LMO7: variants seen among roughly 807,000 people sequenced by gnomAD.
LMO7 encodes the protein LIM domain 7.
In LMO7, 120 loss-of-function variants were observed where a neutral mutation model predicts 206.5. The ratio of observed to expected loss-of-function variants is 0.58; its 90% CI spans 0.50 to 0.68. The LOEUF (loss-of-function observed/expected upper bound fraction) is 0.68, where lower values mean the gene tolerates loss of function less well. Among genes scored for constraint, LMO7 ranks in the 30% least tolerant of loss-of-function variants. The pLI, the probability that LMO7 is intolerant of heterozygous loss-of-function variation, is 0.00. For synonymous variants in LMO7, 706 were observed against 681.5 expected (o/e 1.04, Z -0.56); for missense variants, 1,959 against 1,957.9 (o/e 1.00, Z -0.01).
At chr13:75,825,537 A>G (rs1024336253) in intron 15 of LMO7, among the ~76,000 whole-genome samples, 2 of 152,318 alleles carry the variant, frequency 1.3e-5, no homozygotes, top group African/African-American at 4.8e-5. Flanking sequence ...TAATGGATTT[A>G]TACTTCTTTG....
intron 4 of LMO7, among the ~76,000 whole-genome samples, chr13:75,780,983 G>T (rs961365115): frequency 1.3e-5 from 2 of 150,226 alleles, no homozygotes; most frequent in African/African-American, 2.4e-5. Context: ...TTGCACAGAA[G>T]AAATTTCTCA....
intron 1 of LMO7, among the ~76,000 whole-genome samples, chr13:75,685,548 G>T (rs1283352020): frequency 2.6e-5 from 4 of 152,174 alleles, no homozygotes; most frequent in African/African-American, 9.7e-5. Context: ...TGAGCCTGTG[G>T]AATATTTGCT....
intron 1 of LMO7, among the ~76,000 whole-genome samples, chr13:75,683,054 CTT>C (rs1224724027): frequency 6.8e-6 from 1 of 147,064 alleles, no homozygotes; most frequent in Non-Finnish European, 1.5e-5. Context: ...AGTGGTTTGA[CTT>C]TTTTTTTCTT....
At position 75,658,819 on chromosome 13, in the gene LMO7, G is replaced by A. The variant is rs535288228; in HGVS notation, c.69+22093G>A. The stretch of plus-strand genomic sequence containing the variant: ...TTAGCCAGGATGGTTTTAATCTCCT[G>A]ACCTCATGATCCTCCTGCCTCAGCC... On this transcript the variant is annotated intron_variant, in intron 1 of 30. Coordinates refer to ENST00000377534, the MANE Select transcript of LMO7 (RefSeq NM_001306080.2). Among the ~76,000 whole-genome samples the A allele has an allele frequency of 3.9e-4, 59 of 151,202 alleles. 1 individual carries two copies. Among genetic ancestry groups the A allele is most frequent in the Admixed American group, 3.4e-3 (52 of 15,174 alleles).
rs2061118493 is a variant in LMO7 at position 75,858,279 on chromosome 13, G to T, written c.*336G>T. 2 of 252,628 alleles carry T rather than the reference G, an allele frequency of 7.9e-6. No homozygotes were observed. Among genetic ancestry groups the T allele is most frequent in the African/African-American group, 4.5e-5 (2 of 44,810 alleles). The allele number at this position is 252,628 out of a possible 1,614,324, so 15.6% of individuals were successfully genotyped here. ...TTTCTAGTTAGTGGTGTTTTGAAGA[G>T]GGTATTTTATTGTTTTTTAAAAAAA... On this transcript the variant is annotated 3_prime_UTR_variant, in exon 31 of 31. Coordinates refer to ENST00000377534, the MANE Select transcript of LMO7 (RefSeq NM_001306080.2).
At chr13:75,645,210 T>G (rs967184372) in intron 1 of LMO7, among the ~76,000 whole-genome samples, 11 of 152,206 alleles carry the variant, frequency 7.2e-5, no homozygotes, top group African/African-American at 2.7e-4. Flanking sequence ...AAAATACATG[T>G]CATGTTTTTG....
chr13:75,833,192 ATT>A (rs2058824190), intron 16 of LMO7, 27 bp downstream of exon 16: 1 of 1,255,804 alleles, frequency 8.0e-7, no homozygotes, highest in South Asian at 1.2e-5. Context: ...GCTCTACTGA[ATT>A]TTCTTCTCCT....
Position 75,681,718 on chromosome 13 carries a change from GTA to G in LMO7, c.70-31434_70-31433del, listed in dbSNP as rs71127572. On this transcript the variant is annotated intron_variant, in intron 1 of 30. Coordinates refer to ENST00000377534, the MANE Select transcript of LMO7 (RefSeq NM_001306080.2). ...TATGTATGTATGTGTATATATATAT[GTA>G]TATATATATATATATATATATATAT... is the stretch of plus-strand genomic sequence containing the variant. 9.3e-3 allele frequency among the ~76,000 whole-genome samples: 969 copies of G among 104,508 alleles called. 30 individuals are homozygous for G. The highest frequency in any genetic ancestry group is 0.026 in the African/African-American group (765 of 29,712). The allele number at this position is 104,508 out of a possible 152,430, so 68.6% of individuals were successfully genotyped here. A position where few individuals can be genotyped will look rare whatever the true frequency, so the allele number is the denominator to read the frequency against.
chr13:75,734,281 G>A (rs540084551), intron 3 of LMO7, among the ~76,000 whole-genome samples: 19 of 152,276 alleles, frequency 1.2e-4, no homozygotes, highest in South Asian at 6.2e-4. Flanking sequence ...AATGCGGGGC[G>A]TTGTCTGTGG....
At chr13:75,677,132 C>T (rs1238509062) in intron 1 of LMO7, among the ~76,000 whole-genome samples, 1 of 152,226 alleles carries the variant, frequency 6.6e-6, no homozygotes, top group Middle Eastern at 3.4e-3. Flanking sequence ...GCTGTGTATA[C>T]ATTAGCATTA....
At chr13:75,722,043 T>C (rs2044065816) in intron 2 of LMO7, among the ~76,000 whole-genome samples, 1 of 152,174 alleles carries the variant, frequency 6.6e-6, no homozygotes. Context: ...TCTCACCTTA[T>C]ACAAAAGTCA....
intron 1 of LMO7, among the ~76,000 whole-genome samples, chr13:75,653,790 A>G (rs948862449): frequency 2.0e-5 from 3 of 152,230 alleles, no homozygotes; most frequent in Admixed American, 6.5e-5. Flanking sequence ...GTGAACTTAC[A>G]CTTGCAATTC....
chr13:75,805,547 C>T lies in LMO7; in HGVS notation c.983C>T (p.Ser328Phe), dbSNP rs758199580. 33 of 1,613,988 alleles carry T rather than the reference C, an allele frequency of 2.0e-5. No individual in the cohort carries two copies. The highest frequency in any genetic ancestry group is 2.1e-5 in the Non-Finnish European group (25 of 1,179,874). Residue 328 changes from serine (S) to phenylalanine (F), a missense_variant, in exon 9 of 31, where the codon TCT (serine) becomes TTT (phenylalanine). By Grantham distance (155) the Ser-to-Phe change is radical. Transcript: ENST00000377534. ...WPTVQGTSKSSCYLEEEKAKT... is the reference protein window; with the variant it reads ...WPTVQGTSKSFCYLEEEKAKT... ...ACTGTACAAGGAACTTCAAAGTCCT[C>T]TTGTTATTTGGAAGAGGAAAAAGCA... is the stretch of plus-strand genomic sequence containing the variant.
At chr13:75,657,932 G>T (rs2038210084) in intron 1 of LMO7, among the ~76,000 whole-genome samples, 1 of 152,108 alleles carries the variant, frequency 6.6e-6, no homozygotes, top group Non-Finnish European at 1.5e-5. Flanking sequence ...TTAAAACAAA[G>T]ATATTCTTCT....
chr13:75,681,213 G>GT (rs1407666856), intron 1 of LMO7, among the ~76,000 whole-genome samples: 2 of 152,074 alleles, frequency 1.3e-5, no homozygotes, highest in East Asian at 3.9e-4. Flanking sequence ...TGCTTTCGAT[G>GT]TTTTTGCCAT....
At chr13:75,773,553 A>G (rs573202362) in intron 4 of LMO7, among the ~76,000 whole-genome samples, 4 of 152,290 alleles carry the variant, frequency 2.6e-5, no homozygotes, top group African/African-American at 4.8e-5. Context: ...GAACAGGTAG[A>G]TGAAGAAACA....
intron 1 of LMO7, among the ~76,000 whole-genome samples, chr13:75,700,073 G>A (rs1287659095): frequency 1.3e-5 from 2 of 152,184 alleles, no homozygotes; most frequent in Admixed American, 6.5e-5. Context: ...GCCCGGCCCT[G>A]CAGGCAGTCA....
intron 5 of LMO7, among the ~76,000 whole-genome samples, chr13:75,796,390 T>A (rs1047378931): frequency 6.6e-6 from 1 of 152,220 alleles, no homozygotes; most frequent in African/African-American, 2.4e-5. Flanking sequence ...TAGTAGAGTA[T>A]ATGAATGACT....
intron 1 of LMO7, among the ~76,000 whole-genome samples, chr13:75,669,069 A>G (rs78069985): frequency 0.013 from 1,958 of 152,332 alleles, 49 homozygotes; most frequent in African/African-American, 0.044. Context: ...GTCATGTCTA[A>G]GAGGTCAGCA....
Sources: gnomAD v4.1 joint callset for allele counts (sites outside exome capture counted in the v4.1 genomes callset) on GRCh38, gnomAD v4.1.1 for gene constraint, MANE v1.5 for transcripts, NCBI Gene and HGNC (gene_info 2026-07-23, HGNC 2026-07-21) for gene names.